LGR4: variants seen among roughly 807,000 people sequenced by gnomAD.
LGR4 encodes the protein leucine rich repeat containing G protein-coupled receptor 4, also known as leucine-rich repeat-containing G protein-coupled receptor 4.
A neutral mutation model predicts 84.8 loss-of-function variants in LGR4; 44 were observed. That is an observed-to-expected ratio of 0.52 (90% confidence interval 0.41 to 0.67). The LOEUF (loss-of-function observed/expected upper bound fraction) is 0.67. LGR4 is among the 30% of genes least tolerant of loss of function. LGR4 has a pLI of 0.00. For missense variants in LGR4, 1,032 were observed against 1,131.4 expected, an observed-to-expected ratio of 0.91 and a Z score of 1.26; for synonymous variants, 429 against 434.3, an observed-to-expected ratio of 0.99 and a Z score of 0.15.
chr11:27,373,556 G>T lies in LGR4; in HGVS notation c.1374C>A (p.Asn458Lys). The T allele has an allele frequency of 6.4e-7, 1 of 1,567,162 alleles. No individual in the cohort carries two copies. Among genetic ancestry groups the T allele is most frequent in the Non-Finnish European group, 8.7e-7 (1 of 1,153,434 alleles). ...KEALAAKDFV[N>K]LRSLSVPYAY... is the part of the protein sequence containing the mutation. ...AAAAATAAGCAAAAACACACCTGAG[G>T]TTAACAAAGTCTTTTGCTGCTAAGG... Residue 458 changes from asparagine to lysine, a missense_variant, in exon 15 of 18, where the codon AAC (asparagine) becomes AAA (lysine). Physicochemically the swap from Asn to Lys is moderately conservative, Grantham distance 94 (BLOSUM62 0). Transcript: ENST00000379214.
intron 1 of LGR4, among the ~76,000 whole-genome samples, chr11:27,429,540 T>G (rs1448812580): frequency 6.8e-6 from 1 of 146,176 alleles, no homozygotes; most frequent in African/African-American, 2.5e-5. Flanking sequence ...GAAACAGGAG[T>G]GATCAGGAAG....
intron 4 of LGR4, among the ~76,000 whole-genome samples, chr11:27,389,659 T>A (rs1863245241): frequency 6.6e-6 from 1 of 152,090 alleles, no homozygotes; most frequent in Admixed American, 6.6e-5. Context: ...AAAATGACAA[T>A]TCAATATGAA....
intron 2 of LGR4, among the ~76,000 whole-genome samples, chr11:27,408,718 C>T (rs570204142): frequency 4.9e-4 from 75 of 152,094 alleles, no homozygotes; most frequent in Non-Finnish European, 9.1e-4. Flanking sequence ...ACAGAAACTC[C>T]AACTTCTACC....
chr11:27,458,643 A>G (rs558684179), intron 1 of LGR4, among the ~76,000 whole-genome samples: 2 of 152,172 alleles, frequency 1.3e-5, no homozygotes, highest in East Asian at 3.9e-4. Context: ...GGTTCAAGCA[A>G]TTCTACTCTC....
At chr11:27,380,734 T>A in intron 8 of LGR4, 23 bp from the exon 9 acceptor site, 1 of 1,526,596 alleles carries the variant, frequency 6.6e-7, no homozygotes, top group Non-Finnish European at 9.1e-7. Flanking sequence ...CCAAAAAAAG[T>A]AAAATTTTCA....
At position 27,391,157 on chromosome 11, in the gene LGR4, TGGAGC is replaced by T; in HGVS notation, c.333_337del (p.Leu112GlufsTer2). The T allele has an allele frequency of 6.3e-7, 1 of 1,596,522 alleles. No homozygotes were observed. The highest frequency in any genetic ancestry group is 2.3e-5 in the East Asian group (1 of 44,434). ...GGGTACTGTTTTCAACTGATTATTC[TGGAGC>T]GTTCTGAAAGAAAATTTTTGGTTAG... On this transcript the variant is annotated frameshift_variant, in exon 4 of 18. Coordinates refer to ENST00000379214, the MANE Select transcript of LGR4 (RefSeq NM_018490.5). LOFTEE classifies it high-confidence loss of function.
In LGR4 at chr11:27,467,566, C is replaced by CAAAAAAAAAAAAAAAAAAAAAAA. The variant is rs761925670; in HGVS notation, c.185+4551_185+4552insTTTTTTTTTTTTTTTTTTTTTTT. On this transcript the variant is annotated intron_variant, in intron 1 of 17. Coordinates refer to ENST00000379214, the MANE Select transcript of LGR4 (RefSeq NM_018490.5). ...TGGGCAACAGCGCAAGAGTCCGTCT[C>CAAAAAAAAAAAAAAAAAAAAAAA]AAAAAAAAAAAAAAAATCAAATTAA... 1.5e-3 allele frequency among the ~76,000 whole-genome samples: 77 copies of CAAAAAAAAAAAAAAAAAAAAAAA among 51,792 alleles called. 1 individual carries two copies. The highest frequency in any genetic ancestry group is 3.9e-3 in the African/African-American group (75 of 19,246). 34.0% of individuals were successfully genotyped at this position (51,792 alleles called of 152,430 possible).
rs532592468 is a variant in LGR4 at position 27,392,793 on chromosome 11, C to T, written c.258-275G>A. The stretch of plus-strand genomic sequence containing the variant: ...GTCAAGCAAGCCAAAACACATTAAA[C>T]CAAATTAAGTTTGCTATTCATGGTC... On this transcript the variant is annotated intron_variant, in intron 2 of 17. Coordinates refer to ENST00000379214, the MANE Select transcript of LGR4 (RefSeq NM_018490.5). 5.5e-4 allele frequency among the ~76,000 whole-genome samples: 84 copies of T among 152,184 alleles called. 1 individual carries two copies. Among genetic ancestry groups the T allele is most frequent in the African/African-American group, 1.8e-3 (76 of 41,544 alleles).
At chr11:27,389,950 AC>A (rs1863251833) in intron 4 of LGR4, among the ~76,000 whole-genome samples, 1 of 152,160 alleles carries the variant, frequency 6.6e-6, no homozygotes, top group African/African-American at 2.4e-5. Flanking sequence ...ACTTAATACA[AC>A]CACCTTAAAT....
At chr11:27,418,810 A>T (rs945450763) in intron 1 of LGR4, among the ~76,000 whole-genome samples, 6 of 151,538 alleles carry the variant, frequency 4.0e-5, no homozygotes, top group African/African-American at 1.5e-4. Context: ...TTTTATGATC[A>T]TCTACTTTCG....
intron 1 of LGR4, among the ~76,000 whole-genome samples, chr11:27,449,127 C>CAAGAGAA (rs1230148211): frequency 1.3e-5 from 2 of 152,034 alleles, no homozygotes; most frequent in Non-Finnish European, 2.9e-5. Context: ...AACATGCTGC[C>CAAGAGAA]CATCATCAAC....
chr11:27,446,766 C>G (rs923476485), intron 1 of LGR4, among the ~76,000 whole-genome samples: 6 of 152,154 alleles, frequency 3.9e-5, no homozygotes, highest in Admixed American at 3.9e-4. Context: ...TTCACAATAG[C>G]AAAGACTTGG....
intron 1 of LGR4, among the ~76,000 whole-genome samples, chr11:27,432,164 C>T (rs1864127321): frequency 6.6e-6 from 1 of 152,180 alleles, no homozygotes; most frequent in Admixed American, 6.5e-5. Flanking sequence ...ACCAGGAGCA[C>T]TAACCCTACT....
chr11:27,369,484 T>C (rs1361932705), intron 17 of LGR4, among the ~76,000 whole-genome samples: 1 of 152,196 alleles, frequency 6.6e-6, no homozygotes, highest in African/African-American at 2.4e-5. Context: ...AAGAGGTATT[T>C]GATGACTGAG....
rs1565074341 is a variant in LGR4 at position 27,385,249 on chromosome 11, T to C, written c.617+4A>G. ...ATATGGAATTAAAAGGGATAGATAC[T>C]TACAGAACTACCAGGCTTGAAAGGT... is the stretch of plus-strand genomic sequence containing the variant. On this transcript the variant is annotated splice_donor_region_variant and intron_variant, in intron 5 of 17. Coordinates refer to ENST00000379214, the MANE Select transcript of LGR4 (RefSeq NM_018490.5). 1 of 1,537,956 alleles carries C rather than the reference T, an allele frequency of 6.5e-7. No individual in the cohort carries two copies. The highest frequency in any genetic ancestry group is 8.8e-7 in the Non-Finnish European group (1 of 1,135,376).
Position 27,373,616 on chromosome 11 carries a change from T to C in LGR4, c.1314A>G (p.Gln438=), listed in dbSNP as rs769672645. 27 of 1,603,838 alleles carry C rather than the reference T, an allele frequency of 1.7e-5. No homozygotes were observed. Among genetic ancestry groups the C allele is most frequent in the South Asian group, 2.3e-5 (2 of 88,636 alleles). The change falls in exon 15 of 18, where the codon CAA becomes CAG. Residue 438 remains glutamine (Q), a synonymous_variant. Transcript: ENST00000379214. The part of the protein sequence containing the change: ...FPTEGLNGLN[Q]LKLVGNFKLK... ...GCTTGAAGTTGCCCACAAGTTTCAG[T>C]TGATTTAGCCCATTCAGGCCTTCCG...
intron 1 of LGR4, among the ~76,000 whole-genome samples, chr11:27,421,067 T>C (rs967060571): frequency 2.0e-5 from 3 of 152,190 alleles, no homozygotes; most frequent in Admixed American, 6.5e-5. Context: ...GCAAAGTTTA[T>C]GCACATCAAA....
chr11:27,469,645 AG>A (rs1488329077), intron 1 of LGR4, among the ~76,000 whole-genome samples: 1 of 152,252 alleles, frequency 6.6e-6, no homozygotes, highest in Non-Finnish European at 1.5e-5. Context: ...AACTCTGATT[AG>A]TAATTATAGT....
intron 1 of LGR4, among the ~76,000 whole-genome samples, chr11:27,438,913 T>C (rs1244225544): frequency 1.3e-5 from 2 of 152,172 alleles, no homozygotes. Flanking sequence ...CAATTCCTTT[T>C]AATCAATCTC....
Sources: allele counts gnomAD v4.1 joint callset (sites outside exome capture counted in the v4.1 genomes callset), GRCh38; gene constraint gnomAD v4.1.1; transcripts MANE v1.5; gene names NCBI Gene and HGNC (gene_info 2026-07-23, HGNC 2026-07-21).